The following SORCS1 variants were observed in gnomAD, a reference collection of about 807,000 sequenced individuals.
SORCS1 encodes sortilin related VPS10 domain containing receptor 1.
A neutral mutation model predicts 146.1 loss-of-function variants in SORCS1; 60 were observed. That is an observed-to-expected ratio of 0.41 (90% confidence interval 0.33 to 0.51). The LOEUF is 0.51. Ranked by LOEUF, SORCS1 falls within the 20% of genes least tolerant of loss-of-function variation. SORCS1 has a pLI of 0.21. For missense variants in SORCS1, 1,352 were observed against 1,487.6 expected (o/e 0.91, Z 1.50); for synonymous variants, 637 against 584.0 (o/e 1.09, Z -1.31).
At position 106,679,346 on chromosome 10, in the gene SORCS1, G is replaced by A. The variant is rs745678101; in HGVS notation, c.1664-14C>T. 16 of 1,589,584 alleles carry A rather than the reference G, an allele frequency of 1.0e-5. No homozygotes were observed. Among genetic ancestry groups the A allele is most frequent in the African/African-American group, 1.3e-5 (1 of 74,140 alleles). On this transcript the variant is annotated splice_polypyrimidine_tract_variant and intron_variant, in intron 11 of 25. Coordinates refer to ENST00000263054, the MANE Select transcript of SORCS1 (RefSeq NM_052918.5). Reference sequence around the variant, plus strand: ...AACCTATATTACCTAGAAAGAGAAAGGTGCCATTAGTGAAAAGAACTTTCT... The same window carrying A: ...AACCTATATTACCTAGAAAGAGAAAAGTGCCATTAGTGAAAAGAACTTTCT...
chr10:107,119,622 A>G (rs1181103919), intron 1 of SORCS1, among the ~76,000 whole-genome samples: 1 of 152,214 alleles, frequency 6.6e-6, no homozygotes, highest in Non-Finnish European at 1.5e-5. Context: ...ATCTTTGGCC[A>G]GGGAAAAAGT....
At chr10:106,702,098 G>A (rs1431393497) in intron 8 of SORCS1, among the ~76,000 whole-genome samples, 1 of 152,200 alleles carries the variant, frequency 6.6e-6, no homozygotes, top group Non-Finnish European at 1.5e-5. Context: ...TTTGAACCAG[G>A]AGAAGCTATA....
intron 2 of SORCS1, among the ~76,000 whole-genome samples, chr10:106,831,770 C>T (rs545115177): frequency 5.3e-4 from 80 of 152,260 alleles, no homozygotes; most frequent in South Asian, 3.7e-3. Context: ...ACGGTCAACA[C>T]TTCAGAGGAT....
chr10:106,721,717 T>C (rs1187156024), intron 6 of SORCS1, among the ~76,000 whole-genome samples: 2 of 152,248 alleles, frequency 1.3e-5, no homozygotes, highest in Non-Finnish European at 2.9e-5. Flanking sequence ...ATATAATCTC[T>C]GACCCAGGAA....
chr10:106,586,260 C>T (rs181883309), intron 24 of SORCS1, among the ~76,000 whole-genome samples: 8 of 152,214 alleles, frequency 5.3e-5, no homozygotes, highest in Admixed American at 2.6e-4. Context: ...TGAAAGGGGG[C>T]GCTATTAAAG....
chr10:107,056,989 T>G (rs1960704219), intron 1 of SORCS1, among the ~76,000 whole-genome samples: 1 of 152,232 alleles, frequency 6.6e-6, no homozygotes, highest in Admixed American at 6.5e-5. Flanking sequence ...GCACGGAGAC[T>G]TTCCTGATTG....
Position 106,952,321 on chromosome 10 carries a change from G to C in SORCS1, c.626+4192C>G, listed in dbSNP as rs141060628. 5.0e-3 allele frequency among the ~76,000 whole-genome samples: 755 copies of C among 152,152 alleles called. 7 individuals carry two copies. The highest frequency in any genetic ancestry group is 0.016 in the African/African-American group (679 of 41,508). On this transcript the variant is annotated intron_variant, in intron 2 of 25. Coordinates refer to ENST00000263054, the MANE Select transcript of SORCS1 (RefSeq NM_052918.5). ...GGTAACAGTATGAGCTGGTGCAGGA[G>C]AAAGTCAGTTTGTGCTAGGCCACCT...
chr10:107,105,080 G>A (rs1286534453), intron 1 of SORCS1, among the ~76,000 whole-genome samples: 5 of 152,168 alleles, frequency 3.3e-5, no homozygotes, highest in African/African-American at 9.7e-5. Context: ...TACTGATACC[G>A]ATCATAATAC....
intron 18 of SORCS1, among the ~76,000 whole-genome samples, chr10:106,638,423 G>A (rs942904899): frequency 3.9e-4 from 59 of 151,986 alleles, no homozygotes; most frequent in Non-Finnish European, 5.7e-4. Context: ...CATTCATTGG[G>A]AAAATACAGA....
intron 6 of SORCS1, among the ~76,000 whole-genome samples, chr10:106,729,199 C>G (rs925526335): frequency 6.6e-6 from 1 of 152,234 alleles, no homozygotes; most frequent in Non-Finnish European, 1.5e-5. Context: ...TCACTGTCCT[C>G]TACTTATTTA....
chr10:106,966,487 AATGTC>A (rs1314202222), intron 1 of SORCS1, among the ~76,000 whole-genome samples: 1 of 152,314 alleles, frequency 6.6e-6, no homozygotes, highest in East Asian at 1.9e-4. Context: ...CACATAATTT[AATGTC>A]ATGTTTATTT....
chr10:106,838,952 C>G (rs1349280042), intron 2 of SORCS1, among the ~76,000 whole-genome samples: 3 of 152,132 alleles, frequency 2.0e-5, no homozygotes, highest in Non-Finnish European at 2.9e-5. Flanking sequence ...TGTAAGATGG[C>G]AAATTTAATC....
intron 22 of SORCS1, among the ~76,000 whole-genome samples, chr10:106,609,633 A>T (rs1272497435): frequency 1.3e-5 from 2 of 152,188 alleles, no homozygotes; most frequent in Non-Finnish European, 2.9e-5. Flanking sequence ...AGAAGGTATT[A>T]ATACCACCAC....
chr10:106,621,182 C>G (rs1230750003), intron 19 of SORCS1, among the ~76,000 whole-genome samples: 1 of 152,006 alleles, frequency 6.6e-6, no homozygotes, highest in Non-Finnish European at 1.5e-5. Flanking sequence ...AAGATGCTCA[C>G]CTAAAATATA....
intron 4 of SORCS1, among the ~76,000 whole-genome samples, chr10:106,775,182 G>A (rs1489934012): frequency 6.6e-6 from 1 of 152,198 alleles, no homozygotes; most frequent in East Asian, 1.9e-4. Flanking sequence ...TCTGGCATCG[G>A]TGGGGGGGAA....
At chr10:107,000,704 T>A (rs1957182185) in intron 1 of SORCS1, among the ~76,000 whole-genome samples, 1 of 152,118 alleles carries the variant, frequency 6.6e-6, no homozygotes, top group African/African-American at 2.4e-5. Context: ...CAATTAGTTT[T>A]TACAGGCAAG....
At chr10:106,628,548 T>C (rs946516227) in intron 19 of SORCS1, among the ~76,000 whole-genome samples, 1 of 152,240 alleles carries the variant, frequency 6.6e-6, no homozygotes, top group African/African-American at 2.4e-5. Context: ...GAAGTTATTA[T>C]TGTCTCATCA....
intron 2 of SORCS1, 83 bp downstream of exon 2, chr10:106,956,430 G>A (rs1423819771): frequency 4.7e-6 from 6 of 1,284,964 alleles, no homozygotes; most frequent in Non-Finnish European, 5.6e-6. Flanking sequence ...GAACCTTCCT[G>A]CCAGGAAAAA....
Position 106,863,251 on chromosome 10 carries a change from C to T in SORCS1, c.627-33578G>A, listed in dbSNP as rs551190173. ...TGAAATGCTTACAGAGGGCTGGGCA[C>T]GGTGACTCACACCTATAATCCCAGC... On this transcript the variant is annotated intron_variant, in intron 2 of 25. Transcript: ENST00000263054. Among the ~76,000 whole-genome samples, 15 of 152,170 alleles carry T rather than the reference C, an allele frequency of 9.9e-5. No homozygotes were observed. In the South Asian group the frequency reaches 2.5e-3, roughly 25 times the overall value.
Sources: gnomAD v4.1 joint callset for allele counts (sites outside exome capture counted in the v4.1 genomes callset) on GRCh38, gnomAD v4.1.1 for gene constraint, MANE v1.5 for transcripts, NCBI Gene and HGNC (gene_info 2026-07-23, HGNC 2026-07-21) for gene names.